Variants in LRBA observed in about 807,000 individuals in gnomAD.
LRBA encodes the protein LPS responsive beige-like anchor protein, also known as lipopolysaccharide-responsive and beige-like anchor protein.
LRBA carries 176 observed loss-of-function variants against 330.0 expected under a neutral mutation model. The ratio of observed to expected loss-of-function variants is 0.53; its 90% confidence interval spans 0.47 to 0.60. LRBA has a LOEUF of 0.60. Among genes scored for constraint, LRBA ranks in the 20% least tolerant of loss-of-function variants. LRBA has a pLI of 0.00. For missense variants in LRBA, 3,259 were observed against 3,444.8 expected, an observed-to-expected ratio of 0.95 and a Z score of 1.35; for synonymous variants, 1,230 against 1,193.0, an observed-to-expected ratio of 1.03 and a Z score of -0.64.
chr4:150,503,933 T>C (rs949559393), intron 40 of LRBA, among the ~76,000 whole-genome samples: 18 of 152,090 alleles, frequency 1.2e-4, no homozygotes, highest in African/African-American at 4.3e-4. Flanking sequence ...GCACGAGAAC[T>C]AGGTGATGAA....
In LRBA at chr4:150,908,828, G is replaced by A. The variant is rs1731632292; in HGVS notation, c.1191C>T (p.Asp397=). The A allele has an allele frequency of 1.2e-6, 2 of 1,613,322 alleles. No homozygotes were observed. Among genetic ancestry groups the A allele is most frequent in the Non-Finnish European group, 1.7e-6 (2 of 1,179,622 alleles). ...GTTTGTGATGCTCAGCAAGGAAAAG[G>A]TCGCTTTCTGCTTTGAATTTAAATG... ...KGTFKFKAES[D]LFLAEHHKLL... The change falls in exon 10 of 57, where the codon GAC becomes GAT. Residue 397 remains aspartate (D), a synonymous_variant. Transcript: ENST00000651943.
chr4:150,446,169 G>A (rs2152019078), intron 44 of LRBA, among the ~76,000 whole-genome samples: 1 of 152,252 alleles, frequency 6.6e-6, no homozygotes, highest in Non-Finnish European at 1.5e-5. Context: ...GCCAGGAAGG[G>A]TAAGGGGAAA....
At chr4:150,530,239 A>G (rs1763915367) in intron 40 of LRBA, among the ~76,000 whole-genome samples, 1 of 152,168 alleles carries the variant, frequency 6.6e-6, no homozygotes, top group South Asian at 2.1e-4. Context: ...AGAAGATACA[A>G]AAGTGCTAAG....
chr4:150,503,965 T>C (rs1053536287), intron 40 of LRBA, among the ~76,000 whole-genome samples: 1 of 152,180 alleles, frequency 6.6e-6, no homozygotes, highest in African/African-American at 2.4e-5. Context: ...CAGTAGCCGA[T>C]GCGATCAACT....
chr4:150,571,642 G>A (rs1769850433), intron 40 of LRBA, among the ~76,000 whole-genome samples: 1 of 124,480 alleles, frequency 8.0e-6, no homozygotes, highest in Admixed American at 8.9e-5. Flanking sequence ...TAACCTACTG[G>A]TTAGTTGTTT....
rs201661724 is a variant in LRBA, at chr4:150,407,469, C to CA, written c.7194+7968dup. Among the ~76,000 whole-genome samples the CA allele has an allele frequency of 1.4e-3, 208 of 151,362 alleles. 1 individual carries two copies. The East Asian group carries it at 0.026, about 19-fold the overall frequency. On this transcript the variant is annotated intron_variant, in intron 47 of 56. Coordinates refer to ENST00000651943, the MANE Select transcript of LRBA (RefSeq NM_001364905.1). ...AAACAAAAACAAACAAAAACAAAAACAAAAAAAACAACTAGACAGAAAGTC... is the reference window on the plus strand; with the variant it reads ...AAACAAAAACAAACAAAAACAAAAACAAAAAAAAACAACTAGACAGAAAGTC...
At chr4:150,835,034 T>A (rs62346351) in intron 28 of LRBA, among the ~76,000 whole-genome samples, 13,556 of 152,210 alleles carry the variant, frequency 0.089, 1,047 homozygotes, top group African/African-American at 0.22. Flanking sequence ...GCTAGCTAGT[T>A]TTCCCAGCAC....
At position 150,490,559 on chromosome 4, in the gene LRBA, A is replaced by T. The variant is rs564598342; in HGVS notation, c.6448+359T>A. Among the ~76,000 whole-genome samples the T allele has an allele frequency of 2.6e-5, 4 of 151,972 alleles. No individual in the cohort carries two copies. The East Asian group carries it at 7.7e-4, about 29-fold the overall frequency. ...AGATTAAATAGACATATGAATCGTT[A>T]TTGTCCTCTCCTCTCCCCAAATGCA... On this transcript the variant is annotated intron_variant, in intron 41 of 56. Transcript: ENST00000651943.
chr4:150,884,953 C>A (rs1459067332), intron 17 of LRBA, among the ~76,000 whole-genome samples: 3 of 151,524 alleles, frequency 2.0e-5, no homozygotes, highest in African/African-American at 7.3e-5. Flanking sequence ...ACAATGAGTT[C>A]TCAAAAAAGT....
At chr4:150,696,589 T>G (rs1322768826) in intron 36 of LRBA, among the ~76,000 whole-genome samples, 1 of 152,198 alleles carries the variant, frequency 6.6e-6, no homozygotes, top group Admixed American at 6.5e-5. Context: ...GTCCCTGTCT[T>G]CCAGCATCTC....
At chr4:150,320,556 C>A (rs1732354426) in intron 50 of LRBA, among the ~76,000 whole-genome samples, 1 of 152,042 alleles carries the variant, frequency 6.6e-6, no homozygotes, top group Admixed American at 6.6e-5. Flanking sequence ...CCTGTAATCC[C>A]AACACTTTAA....
intron 37 of LRBA, among the ~76,000 whole-genome samples, chr4:150,603,320 G>T (rs576448379): frequency 6.6e-6 from 1 of 152,208 alleles, no homozygotes; most frequent in Non-Finnish European, 1.5e-5. Flanking sequence ...TTCAGAGTCT[G>T]AAGTTAAAAT....
intron 40 of LRBA, among the ~76,000 whole-genome samples, chr4:150,520,705 C>T (rs530292176): frequency 1.3e-5 from 2 of 152,156 alleles, no homozygotes; most frequent in Admixed American, 6.6e-5. Context: ...AAATACCACA[C>T]ATTCTCACTT....
intron 54 of LRBA, among the ~76,000 whole-genome samples, chr4:150,285,556 A>T (rs1748037775): frequency 6.6e-6 from 1 of 152,238 alleles, no homozygotes; most frequent in African/African-American, 2.4e-5. Context: ...AAACAAATAT[A>T]CAAAGACGTT....
At chr4:150,734,105 T>C (rs2127137849) in intron 36 of LRBA, among the ~76,000 whole-genome samples, 1 of 152,288 alleles carries the variant, frequency 6.6e-6, no homozygotes, top group Admixed American at 6.5e-5. Flanking sequence ...TATTTAATAG[T>C]CTTTACCATA....
chr4:150,848,159 C>T (rs751775206), intron 26 of LRBA, among the ~76,000 whole-genome samples: 26 of 152,044 alleles, frequency 1.7e-4, no homozygotes, highest in African/African-American at 5.3e-4. Flanking sequence ...GGATTATAAG[C>T]GTGCACCACC....
chr4:150,324,466 A>C (rs1420604617), intron 49 of LRBA, among the ~76,000 whole-genome samples: 1 of 152,026 alleles, frequency 6.6e-6, no homozygotes, highest in African/African-American at 2.4e-5. Context: ...TGATGCAAAC[A>C]ATTTTTAAAA....
At chr4:150,510,988 T>C (rs1350497452) in intron 40 of LRBA, among the ~76,000 whole-genome samples, 4 of 152,168 alleles carry the variant, frequency 2.6e-5, no homozygotes, top group Admixed American at 2.0e-4. Flanking sequence ...CCTGAATAGC[T>C]GGGACTACAG....
chr4:150,844,061 T>G (rs983084961), intron 28 of LRBA, 39 bp downstream of exon 28: 1 of 1,215,678 alleles, frequency 8.2e-7, no homozygotes, highest in Non-Finnish European at 1.2e-6. Flanking sequence ...GAAATATGCA[T>G]CAGTTAAGAG....
Sources: gnomAD v4.1 joint callset for allele counts (sites outside exome capture counted in the v4.1 genomes callset) on GRCh38, gnomAD v4.1.1 for gene constraint, MANE v1.5 for transcripts, NCBI Gene and HGNC (gene_info 2026-07-23, HGNC 2026-07-21) for gene names.